Variants in SYNE1 observed in about 807,000 individuals in gnomAD.
The protein encoded by SYNE1 is spectrin repeat containing nuclear envelope protein 1, also known as nesprin-1.
In SYNE1, 616 loss-of-function variants were observed where a neutral mutation model predicts 1,111.0. That is an observed-to-expected ratio of 0.55 (90% CI 0.52 to 0.59). SYNE1 has a LOEUF of 0.59. Among genes scored for constraint, SYNE1 ranks in the 20% least tolerant of loss-of-function variants. The pLI, the probability that SYNE1 is intolerant of heterozygous loss-of-function variation, is 0.00. For missense variants in SYNE1, 10,006 were observed against 10,417.0 expected, an observed-to-expected ratio of 0.96 and a Z score of 1.72; for synonymous variants, 3,855 against 3,825.8, an observed-to-expected ratio of 1.01 and a Z score of -0.28.
intron 72 of SYNE1, among the ~76,000 whole-genome samples, chr6:152,347,847 ATTT>A (rs764560850): frequency 7.2e-6 from 1 of 139,214 alleles, no homozygotes. Context: ...CACCTGGCTA[ATTT>A]TTTTTTTTTT....
chr6:152,556,492 C>A (rs993408203), intron 3 of SYNE1, among the ~76,000 whole-genome samples: 1 of 152,136 alleles, frequency 6.6e-6, no homozygotes, highest in African/African-American at 2.4e-5. Context: ...AAGTGCCAGA[C>A]CAACTCCAGT....
At chr6:152,157,294 G>A (rs1272634184) in intron 131 of SYNE1, among the ~76,000 whole-genome samples, 2 of 152,136 alleles carry the variant, frequency 1.3e-5, no homozygotes, top group African/African-American at 2.4e-5. Flanking sequence ...TGGAACCGGA[G>A]GTCACTATGT....
At chr6:152,202,604 T>C (rs1030095254) in intron 126 of SYNE1, among the ~76,000 whole-genome samples, 2 of 152,072 alleles carry the variant, frequency 1.3e-5, no homozygotes, top group African/African-American at 4.8e-5. Context: ...AAGCAATGAG[T>C]GTCAAGGCAT....
At chr6:152,417,245 T>G (rs2098169489) in intron 40 of SYNE1, among the ~76,000 whole-genome samples, 1 of 152,194 alleles carries the variant, frequency 6.6e-6, no homozygotes, top group South Asian at 2.1e-4. Context: ...ACGCCTGTAA[T>G]CCCAGCACTT....
intron 117 of SYNE1, among the ~76,000 whole-genome samples, chr6:152,222,831 A>G (rs377717756): frequency 3.9e-4 from 59 of 152,356 alleles, no homozygotes; most frequent in African/African-American, 1.4e-3. Context: ...AATGGAGACT[A>G]TAATTAATAA....
At chr6:152,216,189 C>G (rs1475282918) in intron 121 of SYNE1, among the ~76,000 whole-genome samples, 2 of 152,068 alleles carry the variant, frequency 1.3e-5, no homozygotes, top group Non-Finnish European at 2.9e-5. Context: ...ATATTGAAAC[C>G]AAAATATAAC....
chr6:152,252,411 G>A (rs1167790028), intron 104 of SYNE1, among the ~76,000 whole-genome samples: 1 of 151,922 alleles, frequency 6.6e-6, no homozygotes, highest in Non-Finnish European at 1.5e-5. Context: ...TATATGTTTG[G>A]GGAATTTGAG....
chr6:152,172,795 A>G (rs2065532906), intron 130 of SYNE1, among the ~76,000 whole-genome samples: 2 of 152,192 alleles, frequency 1.3e-5, no homozygotes, highest in South Asian at 2.1e-4. Context: ...TACTTTAATT[A>G]TCTAGGCCAC....
chr6:152,423,848 G>T (rs2098309177), intron 39 of SYNE1, among the ~76,000 whole-genome samples: 1 of 152,044 alleles, frequency 6.6e-6, no homozygotes, highest in Non-Finnish European at 1.5e-5. Context: ...TGCTCCCTTT[G>T]CCTGTGTGGG....
chr6:152,304,329 A>ATTATTTTATT (rs1281825288), intron 91 of SYNE1, among the ~76,000 whole-genome samples: 1 of 152,052 alleles, frequency 6.6e-6, no homozygotes, highest in African/African-American at 2.4e-5. Context: ...AATCTTTTTT[A>ATTATTTTATT]TTATTTTATT....
At chr6:152,224,694 T>C in intron 116 of SYNE1, 30 bp from the exon 117 acceptor site, 1 of 1,597,814 alleles carries the variant, frequency 6.3e-7, no homozygotes, top group South Asian at 1.1e-5. Flanking sequence ...TGGCTTATAA[T>C]TTCATAATAT....
intron 95 of SYNE1, among the ~76,000 whole-genome samples, chr6:152,289,869 G>A (rs1386344796): frequency 1.3e-5 from 2 of 150,686 alleles, no homozygotes; most frequent in South Asian, 2.1e-4. Flanking sequence ...CTCGTGATCC[G>A]CCCGCCTTGG....
At chr6:152,165,982 G>GCA (rs2063571121) in intron 130 of SYNE1, among the ~76,000 whole-genome samples, 1 of 152,194 alleles carries the variant, frequency 6.6e-6, no homozygotes, top group Non-Finnish European at 1.5e-5. Flanking sequence ...CTGAAGAATG[G>GCA]CACACAGCAC....
In SYNE1 at chr6:152,141,326, T is replaced by C; in HGVS notation, c.25123A>G (p.Lys8375Glu). ...CTGCTACTGCATTCGCCCAGCAGTT[T>C]CATCTGTTTAGACATAAACAACCGG... The part of the protein sequence containing the change: ...ELDTSYKGYM[K>E]LLGECSSSID... Residue 8375 changes from lysine to glutamate, a missense_variant, in exon 139 of 146, where the codon AAA becomes GAA. Around this residue, in one of 7 missense-constraint regions of SYNE1, gnomAD observed 761 missense variants for 795.5 expected, o/e 0.96. Transcript: ENST00000367255. 1.2e-6 allele frequency: 2 copies of C among 1,614,058 alleles called. No individual in the cohort carries two copies. The highest frequency in any genetic ancestry group is 1.7e-6 in the Non-Finnish European group (2 of 1,180,006).
Position 152,202,003 on chromosome 6 carries a change from G to T in SYNE1, c.23020-54C>A, listed in dbSNP as rs944194040. On this transcript the variant is annotated intron_variant, in intron 126 of 145. Coordinates refer to ENST00000367255, the MANE Select transcript of SYNE1 (RefSeq NM_182961.4). Reference sequence around the variant, plus strand: ...AGATGTTTTTGATGTAGGAAACTGGGGGGGGAAAAGAAAAGAAACACTCTT... The same window carrying T: ...AGATGTTTTTGATGTAGGAAACTGGTGGGGGAAAAGAAAAGAAACACTCTT... 10 of 1,600,182 alleles carry T rather than the reference G, an allele frequency of 6.2e-6. No individual in the cohort carries two copies. The East Asian group carries it at 8.9e-5, about 14-fold the overall frequency.
At chr6:152,564,623 G>A (rs9371608) in intron 3 of SYNE1, among the ~76,000 whole-genome samples, 17,010 of 152,040 alleles carry the variant, frequency 0.11, 1,416 homozygotes, top group East Asian at 0.45. Context: ...GGACAGGAAC[G>A]TTTATTATAA....
chr6:152,231,431 T>C lies in SYNE1; in HGVS notation c.20999A>G (p.Asn7000Ser). 1 of 1,614,156 alleles carries C rather than the reference T, an allele frequency of 6.2e-7. No individual in the cohort carries two copies. The highest frequency in any genetic ancestry group is 8.5e-7 in the Non-Finnish European group (1 of 1,180,038). ...TDFAEQLGAMNKSWQILQGLV... is the reference protein window; with the variant it reads ...TDFAEQLGAMSKSWQILQGLV... The stretch of plus-strand genomic sequence containing the variant: ...ACCTTGCAGAATTTGCCAACTTTTA[T>C]TCATTGCTCCAAGTTGCTCAGCAAA... The change falls in exon 114 of 146, where the codon AAT becomes AGT. Residue 7000 changes from asparagine to serine, a missense_variant. By Grantham distance (46) the Asn-to-Ser change is conservative (BLOSUM62 1). Around this residue, in one of 7 missense-constraint regions of SYNE1, gnomAD observed 2,182 missense variants for 2,287.8 expected, o/e 0.95. Coordinates refer to ENST00000367255, the MANE Select transcript of SYNE1 (RefSeq NM_182961.4).
intron 11 of SYNE1, among the ~76,000 whole-genome samples, chr6:152,495,371 G>T (rs139561244): frequency 6.6e-6 from 1 of 152,060 alleles, no homozygotes; most frequent in Non-Finnish European, 1.5e-5. Flanking sequence ...TTAGCCTCCC[G>T]CTCTACCCAG....
At chr6:152,585,898 G>A (rs1159152323) in intron 3 of SYNE1, among the ~76,000 whole-genome samples, 1 of 152,134 alleles carries the variant, frequency 6.6e-6, no homozygotes, top group African/African-American at 2.4e-5. Context: ...AATCGCATGT[G>A]TTTGTGTTTG....
Sources: allele counts gnomAD v4.1 joint callset (sites outside exome capture counted in the v4.1 genomes callset), GRCh38; gene constraint gnomAD v4.1.1; regional missense constraint gnomAD v4.1.1; transcripts MANE v1.5; gene names NCBI Gene and HGNC (gene_info 2026-07-23, HGNC 2026-07-21).